MGAT4C: variants seen among roughly 807,000 people sequenced by gnomAD.
The protein encoded by MGAT4C is alpha-1,3-mannosyl-glycoprotein 4-beta-N-acetylglucosaminyltransferase C.
In MGAT4C, 19 loss-of-function variants were observed where a neutral mutation model predicts 40.1. That is an observed-to-expected ratio of 0.47 (90% CI 0.33 to 0.70). The LOEUF (loss-of-function observed/expected upper bound fraction) is 0.70. Among genes scored for constraint, MGAT4C ranks in the 30% least tolerant of loss-of-function variants. The pLI, the probability that MGAT4C is intolerant of heterozygous loss-of-function variation, is 0.02. For missense variants in MGAT4C, 491 were observed against 563.2 expected, an observed-to-expected ratio of 0.87 and a Z score of 1.30; for synonymous variants, 181 against 187.1, an observed-to-expected ratio of 0.97 and a Z score of 0.27.
rs565351822 is a variant in MGAT4C, at chr12:86,331,093, G to A, written c.-57+2972C>T. On this transcript the variant is annotated intron_variant, in intron 4 of 7. Coordinates refer to the MGAT4C transcript ENST00000548651. Reference sequence around the variant, plus strand: ...GGCAAGTTTTAGAGCAGGGGTGAAAGTTAATTAAAAGTTATAAGAAGGAAG... The same window carrying A: ...GGCAAGTTTTAGAGCAGGGGTGAAAATTAATTAAAAGTTATAAGAAGGAAG... Among the ~76,000 whole-genome samples, 29 of 152,232 alleles carry A rather than the reference G, an allele frequency of 1.9e-4. No individual in the cohort carries two copies. In the South Asian group the frequency reaches 6.0e-3, roughly 32 times the overall value.
At chr12:86,807,076 C>T (rs1410856251) in intron 1 of MGAT4C, among the ~76,000 whole-genome samples, 2 of 150,996 alleles carry the variant, frequency 1.3e-5, no homozygotes, top group Non-Finnish European at 3.0e-5. Context: ...ATATATGAAA[C>T]TATATATAAG....
At chr12:86,115,908 G>C (rs139723019) in intron 1 of MGAT4C, among the ~76,000 whole-genome samples, 1 of 151,900 alleles carries the variant, frequency 6.6e-6, no homozygotes, top group East Asian at 1.9e-4. Flanking sequence ...TAACTTAATT[G>C]CTTCTTTAAA....
intron 3 of MGAT4C, among the ~76,000 whole-genome samples, chr12:86,430,366 G>A (rs139063570): frequency 6.6e-6 from 1 of 151,472 alleles, no homozygotes; most frequent in East Asian, 1.9e-4. Flanking sequence ...CACATTTGAG[G>A]GAATAGTCCC....
At chr12:86,508,965 T>A (rs987980253) in intron 2 of MGAT4C, among the ~76,000 whole-genome samples, 1 of 151,964 alleles carries the variant, frequency 6.6e-6, no homozygotes, top group Non-Finnish European at 1.5e-5. Context: ...ATTAGCCCTT[T>A]GTCAGATGAG....
At chr12:86,781,375 G>A (rs1951837575) in intron 1 of MGAT4C, among the ~76,000 whole-genome samples, 1 of 151,584 alleles carries the variant, frequency 6.6e-6, no homozygotes, top group Non-Finnish European at 1.5e-5. Context: ...GTAGATATAA[G>A]TATTGAGAGA....
intron 1 of MGAT4C, among the ~76,000 whole-genome samples, chr12:86,797,182 G>A (rs1952138850): frequency 6.6e-6 from 1 of 151,598 alleles, no homozygotes. Flanking sequence ...TATCTCCTCT[G>A]TTCTATAATT....
intron 1 of MGAT4C, among the ~76,000 whole-genome samples, chr12:86,820,545 G>T (rs1381182681): frequency 1.3e-5 from 2 of 150,752 alleles, no homozygotes; most frequent in Admixed American, 1.3e-4. Flanking sequence ...GTAAGAAGAA[G>T]AATCACAGTA....
At chr12:86,736,496 T>C (rs1950987687) in intron 1 of MGAT4C, among the ~76,000 whole-genome samples, 1 of 151,734 alleles carries the variant, frequency 6.6e-6, no homozygotes, top group South Asian at 2.1e-4. Flanking sequence ...TATAGTATAT[T>C]AACTAAATCA....
intron 2 of MGAT4C, among the ~76,000 whole-genome samples, chr12:86,496,636 A>G (rs1234480670): frequency 6.6e-6 from 1 of 152,030 alleles, no homozygotes; most frequent in Admixed American, 6.6e-5. Context: ...TATATATTTG[A>G]AAAATTGTTA....
At chr12:86,646,850 G>T (rs1963554715) in intron 2 of MGAT4C, among the ~76,000 whole-genome samples, 1 of 151,856 alleles carries the variant, frequency 6.6e-6, no homozygotes, top group African/African-American at 2.4e-5. Flanking sequence ...ATATATGTAT[G>T]GGGTAGAATA....
rs186278850 is a variant in MGAT4C, at chr12:86,532,692, T to C, written c.-228-97427A>G. Among the ~76,000 whole-genome samples the C allele has an allele frequency of 8.8e-3, 1,345 of 152,154 alleles. 8 individuals are homozygous for C. Among genetic ancestry groups the C allele is most frequent in the Middle Eastern group, 0.017 (5 of 294 alleles). On this transcript the variant is annotated intron_variant, in intron 2 of 7. Transcript: ENST00000548651. ...CCTATTAAATATGGTTCTGATAAGA[T>C]TGCATCTTAAAGGCTGGCAATCTGG...
At chr12:86,438,594 T>C (rs1272799699) in intron 2 of MGAT4C, among the ~76,000 whole-genome samples, 2 of 151,910 alleles carry the variant, frequency 1.3e-5, no homozygotes, top group African/African-American at 4.8e-5. Flanking sequence ...TAACAATCAA[T>C]ATGATGACTG....
At chr12:86,028,403 T>C (rs1890435422) in intron 2 of MGAT4C, among the ~76,000 whole-genome samples, 1 of 151,868 alleles carries the variant, frequency 6.6e-6, no homozygotes, top group South Asian at 2.1e-4. Context: ...TAAGAAGTGA[T>C]CAACACTTTT....
chr12:86,791,450 T>C (rs186161883), intron 1 of MGAT4C, among the ~76,000 whole-genome samples: 20 of 152,004 alleles, frequency 1.3e-4, no homozygotes, highest in Admixed American at 9.2e-4. Context: ...TTTTTTTTTT[T>C]TTCCTCTTAA....
intron 4 of MGAT4C, among the ~76,000 whole-genome samples, chr12:86,294,851 T>G (rs1953621511): frequency 6.6e-6 from 1 of 152,190 alleles, no homozygotes. Context: ...CTACATTTGC[T>G]CCCACCATTT....
At chr12:86,158,212 C>G (rs1235576001) in intron 1 of MGAT4C, among the ~76,000 whole-genome samples, 1 of 152,010 alleles carries the variant, frequency 6.6e-6, no homozygotes, top group African/African-American at 2.4e-5. Context: ...TAGGGAGACT[C>G]TCATACAAAT....
At chr12:86,779,479 G>A (rs1271299120) in intron 1 of MGAT4C, among the ~76,000 whole-genome samples, 1 of 152,076 alleles carries the variant, frequency 6.6e-6, no homozygotes, top group African/African-American at 2.4e-5. Flanking sequence ...GTGTACGCCT[G>A]TAGTCCCAGA....
At chr12:86,373,115 C>T (rs1473218711) in intron 3 of MGAT4C, among the ~76,000 whole-genome samples, 1 of 151,658 alleles carries the variant, frequency 6.6e-6, no homozygotes, top group Non-Finnish European at 1.5e-5. Flanking sequence ...GCACTATAAA[C>T]AAAACCTTAC....
At chr12:86,724,252 C>T (rs1383132442) in intron 2 of MGAT4C, among the ~76,000 whole-genome samples, 3 of 152,146 alleles carry the variant, frequency 2.0e-5, no homozygotes, top group Admixed American at 2.0e-4. Context: ...AAATTCTTGA[C>T]TTCAGGATGC....
Sources: allele counts gnomAD v4.1 joint callset (sites outside exome capture counted in the v4.1 genomes callset), GRCh38; gene constraint gnomAD v4.1.1; transcripts MANE v1.5; gene names NCBI Gene and HGNC (gene_info 2026-07-23, HGNC 2026-07-21).